NAV3: variants seen among roughly 807,000 people sequenced by gnomAD.
The protein encoded by NAV3 is pore membrane and/or filament interacting like protein 1.
Under a neutral mutation model 244.7 loss-of-function variants are expected in NAV3, and 87 were observed. The ratio of observed to expected loss-of-function variants is 0.36; its 90% CI spans 0.30 to 0.42. The LOEUF is 0.42. Ranked by LOEUF, NAV3 falls within the 20% of genes least tolerant of loss-of-function variation. The pLI is 1.00. For missense variants in NAV3, 2,663 were observed against 2,893.3 expected, an observed-to-expected ratio of 0.92 and a Z score of 1.83; for synonymous variants, 1,126 against 1,042.2, an observed-to-expected ratio of 1.08 and a Z score of -1.55.
At chr12:77,750,235 C>T (rs1196372038) in intron 2 of NAV3, among the ~76,000 whole-genome samples, 1 of 152,080 alleles carries the variant, frequency 6.6e-6, no homozygotes, top group Non-Finnish European at 1.5e-5. Flanking sequence ...TGCCTGTAGT[C>T]CCAGCTACTC....
chr12:77,962,524 A>G (rs1892119020), intron 3 of NAV3, among the ~76,000 whole-genome samples: 1 of 151,966 alleles, frequency 6.6e-6, no homozygotes, highest in South Asian at 2.1e-4. Flanking sequence ...CTTCCCATCA[A>G]TTTCTCTCAG....
chr12:77,843,700 T>G (rs368730262), intron 1 of NAV3, among the ~76,000 whole-genome samples: 151 of 152,244 alleles, frequency 9.9e-4, no homozygotes, highest in African/African-American at 3.5e-3. Context: ...GATGTAATTG[T>G]TTTATTTAGA....
In NAV3 at chr12:77,801,040, G is replaced by A. The variant is rs116863011; in HGVS notation, c.73-139279G>A. ...CTTTGATTTGTGTACCTGAGATTGA[G>A]AGTCTAAAAAATTATTTTCTAATTC... On this transcript the variant is annotated intron_variant, in intron 2 of 8. Transcript: ENST00000550042. Among the ~76,000 whole-genome samples, 385 of 152,120 alleles carry A rather than the reference G, an allele frequency of 2.5e-3. 5 individuals are homozygous for A. In the East Asian group the frequency reaches 0.033, roughly 13 times the overall value.
chr12:77,959,389 T>G (rs577594206), intron 3 of NAV3, among the ~76,000 whole-genome samples: 11 of 152,176 alleles, frequency 7.2e-5, no homozygotes, highest in Admixed American at 5.2e-4. Flanking sequence ...GGAAACTCTG[T>G]GTAATACCAA....
chr12:77,846,102 G>A (rs1565850869), intron 1 of NAV3, among the ~76,000 whole-genome samples: 1 of 152,204 alleles, frequency 6.6e-6, no homozygotes, highest in Non-Finnish European at 1.5e-5. Flanking sequence ...ATAGGCTTAT[G>A]TAGCTGAGAA....
At chr12:77,977,689 T>TACAC (rs35073855) in intron 5 of NAV3, among the ~76,000 whole-genome samples, 40,430 of 141,594 alleles carry the variant, frequency 0.29, 6,088 homozygotes, top group South Asian at 0.38. Context: ...GATATATATA[T>TACAC]ACACACACAC....
intron 16 of NAV3, 49 bp from the exon 17 acceptor site, chr12:78,127,118 G>T (rs2138806494): frequency 6.3e-7 from 1 of 1,583,646 alleles, no homozygotes; most frequent in Non-Finnish European, 8.6e-7. Flanking sequence ...TGTGTAATTT[G>T]GAAGTTTTGT....
chr12:77,863,996 C>T (rs1047760651), intron 1 of NAV3, among the ~76,000 whole-genome samples: 1 of 151,774 alleles, frequency 6.6e-6, no homozygotes, highest in Admixed American at 6.6e-5. Flanking sequence ...TCAGCTGCAA[C>T]TGTAAAAATA....
At chr12:78,081,009 C>A (rs1953318671) in intron 12 of NAV3, among the ~76,000 whole-genome samples, 1 of 152,182 alleles carries the variant, frequency 6.6e-6, no homozygotes, top group Admixed American at 6.5e-5. Flanking sequence ...ATTTGACAAG[C>A]TAGCAGGTAT....
chr12:77,622,524 A>G (rs1035642504), intron 2 of NAV3, among the ~76,000 whole-genome samples: 4 of 142,118 alleles, frequency 2.8e-5, no homozygotes, highest in African/African-American at 1.1e-4. Context: ...CAGCGTGTTC[A>G]TCCATATGGA....
chr12:77,877,016 T>C (rs1277926103), intron 1 of NAV3, among the ~76,000 whole-genome samples: 6 of 152,130 alleles, frequency 3.9e-5, no homozygotes, highest in Non-Finnish European at 1.5e-5. Flanking sequence ...CAAAACATTG[T>C]ATATGTTCCT....
intron 5 of NAV3, 92 bp downstream of exon 5, chr12:77,968,794 T>A (rs1484265964): frequency 2.5e-6 from 3 of 1,220,222 alleles, no homozygotes; most frequent in Non-Finnish European, 3.5e-6. Context: ...TTGAAAAACG[T>A]ACTCATGTGC....
chr12:78,041,687 A>G (rs1286638598), intron 9 of NAV3, among the ~76,000 whole-genome samples: 1 of 152,204 alleles, frequency 6.6e-6, no homozygotes, highest in Non-Finnish European at 1.5e-5. Flanking sequence ...AGACAGATGA[A>G]TGCTATGGCC....
chr12:77,864,120 G>A (rs1194898778), intron 1 of NAV3, among the ~76,000 whole-genome samples: 3 of 151,828 alleles, frequency 2.0e-5, no homozygotes, highest in Middle Eastern at 6.8e-3. Context: ...CTGTGATCAG[G>A]ACACCCCCAA....
At chr12:78,178,375 G>T (rs1465556176) in intron 28 of NAV3, among the ~76,000 whole-genome samples, 1 of 151,730 alleles carries the variant, frequency 6.6e-6, no homozygotes, top group Non-Finnish European at 1.5e-5. Flanking sequence ...TGGCCAGGCT[G>T]GTCTCGAACT....
chr12:77,802,459 C>G (rs952460), intron 2 of NAV3, among the ~76,000 whole-genome samples: 99,262 of 152,168 alleles, frequency 0.65, 32,518 homozygotes, highest in Middle Eastern at 0.73. Context: ...TCAAGGTCAT[C>G]TGTGACTTTT....
At position 78,089,750 on chromosome 12, in the gene NAV3, A is replaced by G. The variant is rs541955339; in HGVS notation, c.2637-27022A>G. Among the ~76,000 whole-genome samples, 35 of 152,252 alleles carry G rather than the reference A, an allele frequency of 2.3e-4. 1 individual carries two copies. In the South Asian group the frequency reaches 7.0e-3, roughly 31 times the overall value. On this transcript the variant is annotated intron_variant, in intron 12 of 39. Transcript: ENST00000397909. ...TACTTGTGATAGCCAGTATACATCC[A>G]TCCTGTTGACAGTACTTCCTTTGAC... is the stretch of plus-strand genomic sequence containing the variant.
chr12:78,143,740 T>G (rs1475442998), intron 20 of NAV3, among the ~76,000 whole-genome samples: 1 of 152,058 alleles, frequency 6.6e-6, no homozygotes, highest in Non-Finnish European at 1.5e-5. Flanking sequence ...AATTCAAAAT[T>G]TTAAATTCCT....
intron 9 of NAV3, among the ~76,000 whole-genome samples, chr12:78,022,841 C>T (rs1446197024): frequency 6.6e-6 from 1 of 152,098 alleles, no homozygotes; most frequent in Non-Finnish European, 1.5e-5. Flanking sequence ...AATTACAGAA[C>T]AACATCCCAA....
Sources: gnomAD v4.1 joint callset for allele counts (sites outside exome capture counted in the v4.1 genomes callset) on GRCh38, gnomAD v4.1.1 for gene constraint, MANE v1.5 for transcripts, NCBI Gene and HGNC (gene_info 2026-07-23, HGNC 2026-07-21) for gene names.